Variants in PLEC observed in about 807,000 individuals in gnomAD.
PLEC encodes the protein hemidesmosomal protein 1.
A neutral mutation model predicts 392.8 loss-of-function variants in PLEC; 216 were observed. The observed-to-expected ratio is 0.55, with a 90% CI of 0.49 to 0.62. The LOEUF is 0.62. Among genes scored for constraint, PLEC ranks in the 20% least tolerant of loss-of-function variants. PLEC has a pLI of 0.00. For synonymous variants in PLEC, 3,621 were observed against 2,980.6 expected (o/e 1.21, Z -7.00); for missense variants, 6,863 against 6,563.4 (o/e 1.05, Z -1.58).
At chr8:143,957,316 C>G (rs782175176), upstream of PLEC, among the ~76,000 whole-genome samples, 1 of 152,188 alleles carries the variant, frequency 6.6e-6, no homozygotes, top group Non-Finnish European at 1.5e-5. Context: ...CGAAGAAGCA[C>G]GCGGGTCTGT....
chr8:143,959,660 C>T (rs1270715688), intron 1 of PLEC, among the ~76,000 whole-genome samples: 3 of 152,214 alleles, frequency 2.0e-5, no homozygotes, highest in Non-Finnish European at 2.9e-5. Context: ...GCTGGAGGGA[C>T]GACGACTGCA....
At chr8:143,937,596 G>C in intron 3 of PLEC, 1 of 506,052 alleles carries the variant, frequency 2.0e-6, no homozygotes. Context: ...CCAGCTCTGG[G>C]CAGCACGGTG....
chr8:143,969,727 G>A lies in PLEC; in HGVS notation c.70+3676C>T, dbSNP rs1348590434. On this transcript the variant is annotated intron_variant, in intron 1 of 31. Coordinates refer to the PLEC transcript ENST00000356346. This position sits in a 1 kb window ranked among gnomAD's most constrained non-coding sequence, Gnocchi z 5.1. ...GAGTGCAGGCCGGGGAGTGGGGAGTGGGGCCAGCCGGGGGCCTGGGCAGCT... is the reference window on the plus strand; with the variant it reads ...GAGTGCAGGCCGGGGAGTGGGGAGTAGGGCCAGCCGGGGGCCTGGGCAGCT... Among the ~76,000 whole-genome samples, 1 of 152,148 alleles carries A rather than the reference G, an allele frequency of 6.6e-6. No individual in the cohort carries two copies. The highest frequency in any genetic ancestry group is 1.5e-5 in the Non-Finnish European group (1 of 68,024).
At chr8:143,975,168 C>A (rs1285957665), upstream of PLEC, 2 of 1,597,764 alleles carry the variant, frequency 1.3e-6, no homozygotes, top group Non-Finnish European at 1.7e-6. The surrounding 1 kb of genome is among the most constrained non-coding windows in gnomAD (Gnocchi z 9.9). Flanking sequence ...CAAGGCCCTG[C>A]GCAGTTACCT....
chr8:143,970,388 C>T (rs1554743851), intron 1 of PLEC, among the ~76,000 whole-genome samples: 3 of 151,822 alleles, frequency 2.0e-5, no homozygotes, highest in Admixed American at 6.6e-5. Context: ...CTGGGGCGAT[C>T]GCTGTGCATG....
In PLEC at chr8:143,917,786, G is replaced by C; in HGVS notation, c.12035C>G (p.Thr4012Ser). 1 of 1,613,576 alleles carries C rather than the reference G, an allele frequency of 6.2e-7. No individual in the cohort carries two copies. The highest frequency in any genetic ancestry group is 8.5e-7 in the Non-Finnish European group (1 of 1,180,016). The change falls in exon 32 of 32, where the codon ACT (threonine) becomes AGT (serine). Residue 4012 changes from threonine (T) to serine (S), a missense_variant. By Grantham distance (58) the Thr-to-Ser change is moderately conservative. Transcript: ENST00000345136. ...DKLLSAERAV[T>S]GYKDPYSGKL... ...CCCAGAGTAGGGGTCCTTGTACCCA[G>C]TGACGGCGCGCTCGGCCGACAGCAG... is the stretch of plus-strand genomic sequence containing the variant.
chr8:143,935,848 T>C lies in PLEC; in HGVS notation c.602A>G (p.Lys201Arg). The C allele has an allele frequency of 6.2e-7, 1 of 1,612,760 alleles. No homozygotes were observed. Among genetic ancestry groups the C allele is most frequent in the Non-Finnish European group, 8.5e-7 (1 of 1,179,900 alleles). The change falls in exon 6 of 32, where the codon AAG becomes AGG. Residue 201 changes from lysine to arginine, a missense_variant and splice_region_variant. Physicochemically the swap from Lys to Arg is conservative, Grantham distance 26 (BLOSUM62 2). Transcript: ENST00000345136. ...GCCCCCTGCCCCCGGGGCCATGTAC[T>C]TGTGCCGGTGGATGATGGCATTGAA... The part of the protein sequence containing the change: ...RLFNAIIHRH[K>R]PLLIDMNKVY...
intron 31 of PLEC, 47 bp downstream of exon 31, chr8:143,922,457 G>A (rs1554689708): frequency 1.9e-6 from 3 of 1,601,414 alleles, no homozygotes; most frequent in South Asian, 1.1e-5. Flanking sequence ...ACCCACCAAA[G>A]CAGATCCCCG....
Position 143,922,933 on chromosome 8 carries a change from C to T in PLEC, c.6996G>A (p.Leu2332=), listed in dbSNP as rs1357829100. The T allele has an allele frequency of 4.4e-6, 7 of 1,605,384 alleles. No homozygotes were observed. Among genetic ancestry groups the T allele is most frequent in the African/African-American group, 4.0e-5 (3 of 74,758 alleles). Residue 2332 remains leucine (L), a synonymous_variant, in exon 31 of 32, where the codon CTG becomes CTA. Transcript: ENST00000345136. The part of the protein sequence containing the change: ...ATRLKAEAEL[L]QQQKELAQEQ... ...CCTGCGCAAGCTCCTTCTGCTGCTG[C>T]AGCAGTTCCGCCTCAGCCTTGAGTC...
upstream of PLEC, among the ~76,000 whole-genome samples, chr8:143,955,293 A>G: frequency 6.6e-6 from 1 of 152,192 alleles, no homozygotes; most frequent in Non-Finnish European, 1.5e-5. Context: ...CCTGGCCAAC[A>G]TGGCAAAACC....
chr8:143,932,067 C>T (rs563191818), intron 17 of PLEC, 35 bp from the exon 18 acceptor site: 95 of 1,557,438 alleles, frequency 6.1e-5, no homozygotes, highest in Admixed American at 3.1e-4. Context: ...GGCCCCGCCC[C>T]GCCCCGCCTG....
At chr8:143,950,417 A>C (rs200343339) in exon 1 of PLEC, 16 of 1,607,940 alleles carry the variant, frequency 1.0e-5, no homozygotes, top group Non-Finnish European at 1.4e-5. Context: ...CACGCGCTGC[A>C]GAGAGGCGGG....
chr8:143,955,314 T>C (rs782553346), upstream of PLEC, among the ~76,000 whole-genome samples: 32 of 151,994 alleles, frequency 2.1e-4, no homozygotes, highest in Admixed American at 4.6e-4. Flanking sequence ...CCATCTCCAC[T>C]AAAAATACAC....
At chr8:143,926,404 G>A (rs1825198340) in intron 30 of PLEC, among the ~76,000 whole-genome samples, 1 of 152,208 alleles carries the variant, frequency 6.6e-6, no homozygotes, top group Non-Finnish European at 1.5e-5. Flanking sequence ...ACAGATGGGT[G>A]CCTTGGAAGA....
chr8:143,920,797 T>C lies in PLEC; in HGVS notation c.9024A>G (p.Arg3008=), dbSNP rs1822365194. ...QQLQRGERSV[R]DVAEVDTVRR... is the part of the protein sequence containing the mutation. ...GCACAGTGTCCACCTCGGCTACGTC[T>C]CGCACAGAGCGCTCACCTCGCTGCA... Residue 3008 remains arginine, a synonymous_variant, in exon 32 of 32, where the codon CGA becomes CGG. Transcript: ENST00000345136. The C allele has an allele frequency of 1.2e-6, 2 of 1,607,664 alleles. No homozygotes were observed. The highest frequency in any genetic ancestry group is 2.2e-5 in the South Asian group (2 of 91,088).
chr8:143,915,949 G>C lies in PLEC; in HGVS notation c.*228C>G. ...CTGTGTGAGTGGCAGGTAGAAGGGA[G>C]TGAGGAGACCCGAGGGGGTGAGGCG... On this transcript the variant is annotated 3_prime_UTR_variant, in exon 32 of 32. Coordinates refer to ENST00000345136, the MANE Select transcript of PLEC (RefSeq NM_201384.3). 2.4e-6 allele frequency: 1 copy of C among 408,224 alleles called. No homozygotes were observed. Among genetic ancestry groups the C allele is most frequent in the Non-Finnish European group, 4.3e-6 (1 of 230,410 alleles). The allele number at this position is 408,224 out of a possible 1,614,324, so 25.3% of individuals were successfully genotyped here. A position where few individuals can be genotyped will look rare whatever the true frequency, so the allele number is the denominator to read the frequency against.
chr8:143,955,725 GAGTA>G (rs1554739039), upstream of PLEC, among the ~76,000 whole-genome samples: 4 of 150,666 alleles, frequency 2.7e-5, no homozygotes. Flanking sequence ...TCAGCTTTCT[GAGTA>G]GTTGGGACTA....
chr8:143,920,248 G>A lies in PLEC; in HGVS notation c.9573C>T (p.Thr3191=). Residue 3191 remains threonine (T), a synonymous_variant, in exon 32 of 32, where the codon ACC becomes ACT. Transcript: ENST00000345136. ...YSDPSTGEPA[T]YGELQQRCRP... Reference sequence around the variant, plus strand: ...GGCACCGCTGCTGGAGCTCGCCGTAGGTGGCCGGCTCCCCTGTGCTGGGGT... The same window carrying A: ...GGCACCGCTGCTGGAGCTCGCCGTAAGTGGCCGGCTCCCCTGTGCTGGGGT... 1.2e-6 allele frequency: 2 copies of A among 1,600,084 alleles called. No homozygotes were observed. Among genetic ancestry groups the A allele is most frequent in the East Asian group, 2.2e-5 (1 of 44,664 alleles).
intron 1 of PLEC, among the ~76,000 whole-genome samples, chr8:143,960,269 C>T (rs1024232747): frequency 2.7e-5 from 4 of 146,010 alleles, no homozygotes; most frequent in South Asian, 4.4e-4. Context: ...GCAACAAGAG[C>T]GAAACTCCGT....
Sources: gnomAD v4.1 joint callset for allele counts (sites outside exome capture counted in the v4.1 genomes callset) on GRCh38, gnomAD v4.1.1 for gene constraint, Gnocchi (gnomAD v3.1) non-coding constraint, MANE v1.5 for transcripts, NCBI Gene and HGNC (gene_info 2026-07-23, HGNC 2026-07-21) for gene names.